PDZD8: variants seen among roughly 807,000 people sequenced by gnomAD.
PDZD8 encodes PDZ domain-containing protein 8.
In PDZD8, 14 loss-of-function variants were observed where a neutral mutation model predicts 85.8. The observed-to-expected ratio is 0.16, with a 90% confidence interval of 0.11 to 0.26. The LOEUF is 0.26. Among genes scored for constraint, PDZD8 ranks in the 10% least tolerant of loss-of-function variants. PDZD8 has a pLI of 1.00. For missense variants in PDZD8, 1,197 were observed against 1,424.3 expected (o/e 0.84, Z 2.57); for synonymous variants, 592 against 568.6 (o/e 1.04, Z -0.59).
intron 1 of PDZD8, among the ~76,000 whole-genome samples, chr10:117,349,198 A>G (rs913362351): frequency 1.3e-5 from 2 of 152,242 alleles, no homozygotes; most frequent in Non-Finnish European, 1.5e-5. Context: ...GCAAGCCAAG[A>G]GAAAACCCAT....
At chr10:117,340,667 T>C (rs1410696113) in intron 2 of PDZD8, among the ~76,000 whole-genome samples, 2 of 152,156 alleles carry the variant, frequency 1.3e-5, no homozygotes, top group Non-Finnish European at 2.9e-5. Context: ...ATTGAGTAAT[T>C]TTCTCTTTAA....
chr10:117,327,532 G>GT (rs1255505732), intron 2 of PDZD8, among the ~76,000 whole-genome samples: 2 of 151,950 alleles, frequency 1.3e-5, no homozygotes, highest in East Asian at 1.9e-4. Flanking sequence ...AACCAATCAG[G>GT]TTTTTTTTCT....
At chr10:117,321,487 G>C (rs1025023562) in intron 2 of PDZD8, among the ~76,000 whole-genome samples, 1 of 152,112 alleles carries the variant, frequency 6.6e-6, no homozygotes. Context: ...AGGAGTACTA[G>C]AGGAAAATGG....
rs1845289302 is a variant in PDZD8, at chr10:117,375,412, C to A, written c.-185G>T. On this transcript the variant is annotated 5_prime_UTR_variant, in exon 1 of 5. The change creates a new upstream start codon in the 5' untranslated region. Transcript: ENST00000334464. The stretch of plus-strand genomic sequence containing the variant: ...CGCCCGAGCCCGCAGCGGCCCGCGC[C>A]TCCTCAGACGCTCCCGAAGGGCCGG... The A allele has an allele frequency of 9.7e-6, 3 of 310,276 alleles. No individual in the cohort carries two copies. Among genetic ancestry groups the A allele is most frequent in the Non-Finnish European group, 1.7e-5 (3 of 173,758 alleles). The allele number at this position is 310,276 out of a possible 1,614,324, so 19.2% of individuals were successfully genotyped here. A position where few individuals can be genotyped will look rare whatever the true frequency, so the allele number is the denominator to read the frequency against.
chr10:117,283,930 T>C lies in PDZD8; in HGVS notation c.2803A>G (p.Thr935Ala). Reference sequence around the variant, plus strand: ...GAACTAGTATTGATAATATGCCTTGTCAAACCTGTTGTTTTATTGACTGAC... The same window carrying C: ...GAACTAGTATTGATAATATGCCTTGCCAAACCTGTTGTTTTATTGACTGAC... ...SKSVNKTTGL[T>A]RHIINTSSRL... Residue 935 changes from threonine (T) to alanine (A), a missense_variant, in exon 5 of 5, where the codon ACA becomes GCA. Coordinates refer to ENST00000334464, the MANE Select transcript of PDZD8 (RefSeq NM_173791.5). The C allele has an allele frequency of 1.2e-6, 2 of 1,614,214 alleles. No homozygotes were observed. Among genetic ancestry groups the C allele is most frequent in the Non-Finnish European group, 8.5e-7 (1 of 1,180,048 alleles).
chr10:117,293,224 C>G (rs1013287115), intron 3 of PDZD8, among the ~76,000 whole-genome samples: 5 of 151,818 alleles, frequency 3.3e-5, no homozygotes, highest in African/African-American at 1.2e-4. Flanking sequence ...ATTTTAAAAC[C>G]AGAATAGTAC....
Position 117,283,615 on chromosome 10 carries a change from A to G in PDZD8, c.3118T>C (p.Leu1040=), listed in dbSNP as rs1565014719. ...TCAATTTCATTCTGTAGCTTATCCA[A>G]CATGAACTCTAGTTTCTGGATCCTT... is the stretch of plus-strand genomic sequence containing the variant. The part of the protein sequence containing the change: ...EERIQKLEFM[L]DKLQNEIDQE... Residue 1040 remains leucine (L), a synonymous_variant, in exon 5 of 5, where the codon TTG becomes CTG. Coordinates refer to ENST00000334464, the MANE Select transcript of PDZD8 (RefSeq NM_173791.5). The G allele has an allele frequency of 9.9e-6, 16 of 1,614,162 alleles. No individual in the cohort carries two copies. Among genetic ancestry groups the G allele is most frequent in the African/African-American group, 2.7e-5 (2 of 75,048 alleles).
intron 3 of PDZD8, among the ~76,000 whole-genome samples, chr10:117,291,020 C>T (rs950126450): frequency 6.6e-6 from 1 of 151,540 alleles, no homozygotes; most frequent in East Asian, 2.0e-4. Context: ...CAGGCGTGCA[C>T]CACTACGCCT....
chr10:117,288,857 T>G (rs1844711102), intron 4 of PDZD8, among the ~76,000 whole-genome samples: 1 of 152,232 alleles, frequency 6.6e-6, no homozygotes, highest in Non-Finnish European at 1.5e-5. Context: ...TGACTTTTGC[T>G]TTTTCACTCT....
intron 2 of PDZD8, among the ~76,000 whole-genome samples, chr10:117,335,665 A>G (rs1844504230): frequency 6.6e-6 from 1 of 152,220 alleles, no homozygotes; most frequent in African/African-American, 2.4e-5. Flanking sequence ...AAACCCAACT[A>G]TATTTTAAAT....
chr10:117,372,813 C>T (rs1390340068), intron 1 of PDZD8, among the ~76,000 whole-genome samples: 2 of 152,158 alleles, frequency 1.3e-5, no homozygotes, highest in Non-Finnish European at 2.9e-5. Context: ...TGTCACTCTG[C>T]GCTGTTAGCC....
At chr10:117,305,475 C>T (rs11197949) in intron 3 of PDZD8, among the ~76,000 whole-genome samples, 5 of 31,168 alleles carry the variant, frequency 1.6e-4, no homozygotes, top group Admixed American at 1.0e-3. Flanking sequence ...CACACATACA[C>T]ACACACACAC....
Position 117,281,072 on chromosome 10 carries a change from A to G in PDZD8, c.*2196T>C, listed in dbSNP as rs1844569093. ...AATTCTTCTATAGCAGTGTTCTTTT[A>G]AAATAAGATCACGTGGCCGGGCGTG... On this transcript the variant is annotated 3_prime_UTR_variant, in exon 5 of 5. Coordinates refer to ENST00000334464, the MANE Select transcript of PDZD8 (RefSeq NM_173791.5). The G allele has an allele frequency of 6.6e-6, 1 of 152,370 alleles. No individual in the cohort carries two copies. Among genetic ancestry groups the G allele is most frequent in the African/African-American group, 2.4e-5 (1 of 41,580 alleles). 9.4% of individuals were successfully genotyped at this position (152,370 alleles called of 1,614,324 possible). A position where few individuals can be genotyped will look rare whatever the true frequency, so the allele number is the denominator to read the frequency against.
chr10:117,313,616 C>T (rs1024131262), intron 3 of PDZD8, among the ~76,000 whole-genome samples: 2 of 152,076 alleles, frequency 1.3e-5, no homozygotes, highest in African/African-American at 4.8e-5. Flanking sequence ...TGTTGGGAAA[C>T]TTTGGTATGG....
intron 3 of PDZD8, among the ~76,000 whole-genome samples, chr10:117,298,675 C>T (rs930601185): frequency 1.3e-5 from 2 of 152,102 alleles, no homozygotes; most frequent in African/African-American, 2.4e-5. Flanking sequence ...CTTCTAAACT[C>T]TACTATCAAA....
intron 1 of PDZD8, among the ~76,000 whole-genome samples, chr10:117,358,931 A>C (rs1844946007): frequency 6.6e-6 from 1 of 152,010 alleles, no homozygotes; most frequent in African/African-American, 2.4e-5. Context: ...CAGGTAGCAA[A>C]CTTCTTCCCT....
At chr10:117,345,709 A>C (rs1205328974) in intron 1 of PDZD8, among the ~76,000 whole-genome samples, 1 of 152,218 alleles carries the variant, frequency 6.6e-6, no homozygotes, top group African/African-American at 2.4e-5. Flanking sequence ...CAAAACAAAC[A>C]AACAAAAAAA....
chr10:117,371,831 T>C (rs1845199061), intron 1 of PDZD8, among the ~76,000 whole-genome samples: 7 of 152,064 alleles, frequency 4.6e-5, no homozygotes, highest in Admixed American at 4.6e-4. Flanking sequence ...TGGTCCTAAC[T>C]ACTTGGAAGG....
At chr10:117,311,599 T>C (rs1169626699) in intron 3 of PDZD8, among the ~76,000 whole-genome samples, 3 of 152,090 alleles carry the variant, frequency 2.0e-5, no homozygotes, top group African/African-American at 7.2e-5. Flanking sequence ...GTGATAAGCA[T>C]TACCAAGGAG....
Sources: gnomAD v4.1 joint callset for allele counts (sites outside exome capture counted in the v4.1 genomes callset) on GRCh38, gnomAD v4.1.1 for gene constraint, MANE v1.5 for transcripts, NCBI Gene and HGNC (gene_info 2026-07-23, HGNC 2026-07-21) for gene names.